Variants in PRKG1 observed in about 807,000 individuals in gnomAD.
The protein encoded by PRKG1 is cGMP-dependent protein kinase 1.
A neutral mutation model predicts 88.1 loss-of-function variants in PRKG1; 35 were observed. The ratio of observed to expected loss-of-function variants is 0.40; its 90% CI spans 0.30 to 0.53. PRKG1 has a LOEUF of 0.53. PRKG1 is among the 20% of genes least tolerant of loss of function. PRKG1 has a pLI of 0.59. For synonymous variants in PRKG1, 303 were observed against 292.5 expected, an observed-to-expected ratio of 1.04 and a Z score of -0.37; for missense variants, 540 against 839.8, an observed-to-expected ratio of 0.64 and a Z score of 4.41.
chr10:51,272,359 G>C lies in PRKG1; in HGVS notation c.478+119029G>C, dbSNP rs190728179. On this transcript the variant is annotated intron_variant, in intron 2 of 17. Transcript: ENST00000373980. The stretch of plus-strand genomic sequence containing the variant: ...ACATCACACACTGGGCTTATCGTGG[G>C]GTGGGGGGCTAGGGGAGGGATAGCA... Among the ~76,000 whole-genome samples the C allele has an allele frequency of 4.2e-3, 635 of 151,384 alleles. 7 individuals carry two copies. Among genetic ancestry groups the C allele is most frequent in the African/African-American group, 0.014 (574 of 40,736 alleles).
intron 3 of PRKG1, among the ~76,000 whole-genome samples, chr10:51,496,742 A>G (rs945262133): frequency 3.3e-5 from 5 of 152,104 alleles, no homozygotes; most frequent in African/African-American, 1.2e-4. Context: ...TAATGCTCAT[A>G]TTGATAAATA....
chr10:51,785,608 A>C (rs1838708228), intron 3 of PRKG1, among the ~76,000 whole-genome samples: 1 of 152,124 alleles, frequency 6.6e-6, no homozygotes, highest in South Asian at 2.1e-4. Context: ...GATACCAGTA[A>C]CATTAAGAAT....
intron 5 of PRKG1, among the ~76,000 whole-genome samples, chr10:52,048,641 G>A (rs1051006658): frequency 2.0e-5 from 3 of 152,074 alleles, no homozygotes; most frequent in African/African-American, 7.2e-5. Context: ...TGAATTCTGA[G>A]AACGCAAAGG....
chr10:51,009,307 A>T (rs937757890), intron 1 of PRKG1, among the ~76,000 whole-genome samples: 3 of 152,230 alleles, frequency 2.0e-5, no homozygotes, highest in African/African-American at 7.2e-5. Context: ...TTAAATGCCA[A>T]TTAAATTATA....
At chr10:51,021,525 G>A (rs931775769) in intron 1 of PRKG1, among the ~76,000 whole-genome samples, 1 of 152,130 alleles carries the variant, frequency 6.6e-6, no homozygotes, top group African/African-American at 2.4e-5. Context: ...CTAAAAGACA[G>A]CACAAATTCT....
intron 3 of PRKG1, among the ~76,000 whole-genome samples, chr10:51,515,618 C>A (rs541196531): frequency 1.3e-5 from 2 of 152,192 alleles, no homozygotes; most frequent in South Asian, 4.1e-4. Context: ...TTACCTTTCT[C>A]CTCCTCTGTT....
intron 1 of PRKG1, among the ~76,000 whole-genome samples, chr10:51,002,078 A>G (rs1352019539): frequency 6.6e-6 from 1 of 152,082 alleles, no homozygotes; most frequent in Non-Finnish European, 1.5e-5. Context: ...AGTTCTTTGA[A>G]CATTGACTCT....
intron 3 of PRKG1, among the ~76,000 whole-genome samples, chr10:51,603,710 T>C (rs1301979226): frequency 1.3e-5 from 2 of 152,200 alleles, no homozygotes; most frequent in African/African-American, 4.8e-5. Flanking sequence ...ATGCAGCTTA[T>C]GATTTAGCAC....
At chr10:51,069,463 A>G (rs77547249) in intron 1 of PRKG1, among the ~76,000 whole-genome samples, 215 of 152,148 alleles carry the variant, frequency 1.4e-3, no homozygotes, top group African/African-American at 5.0e-3. Flanking sequence ...TGTAAGTTCC[A>G]GTTTCTGTAA....
chr10:51,376,761 A>G (rs1588894548), intron 2 of PRKG1, among the ~76,000 whole-genome samples: 1 of 151,590 alleles, frequency 6.6e-6, no homozygotes, highest in Admixed American at 6.6e-5. Context: ...TGCAACCTCC[A>G]CCTCCTGCGT....
At chr10:52,143,027 T>C (rs867086562) in intron 8 of PRKG1, among the ~76,000 whole-genome samples, 1 of 125,744 alleles carries the variant, frequency 8.0e-6, no homozygotes, top group Admixed American at 9.0e-5. Context: ...CATATAGTAA[T>C]TTGAGCAGCA....
chr10:51,077,292 C>T (rs560250207), intron 1 of PRKG1, among the ~76,000 whole-genome samples: 8 of 152,282 alleles, frequency 5.3e-5, no homozygotes, highest in Non-Finnish European at 1.0e-4. Flanking sequence ...TTTACTACAT[C>T]TTAAATGTAG....
At chr10:51,635,333 G>A (rs893065330) in intron 3 of PRKG1, among the ~76,000 whole-genome samples, 1 of 147,964 alleles carries the variant, frequency 6.8e-6, no homozygotes, top group Non-Finnish European at 1.5e-5. Context: ...GCCACAGTAT[G>A]AAAGTGGAAT....
chr10:51,020,209 C>T (rs114375279), intron 1 of PRKG1, among the ~76,000 whole-genome samples: 7 of 152,020 alleles, frequency 4.6e-5, no homozygotes, highest in Non-Finnish European at 7.4e-5. Context: ...GCCATGTTGC[C>T]GAGGCTAATC....
At chr10:51,187,190 G>C (rs1360254972) in intron 2 of PRKG1, among the ~76,000 whole-genome samples, 3 of 151,480 alleles carry the variant, frequency 2.0e-5, no homozygotes, top group African/African-American at 7.3e-5. Context: ...TATAGAATAT[G>C]ATTCTGTATT....
At chr10:52,105,245 C>T (rs1247854303) in intron 7 of PRKG1, among the ~76,000 whole-genome samples, 2 of 152,002 alleles carry the variant, frequency 1.3e-5, no homozygotes, top group African/African-American at 4.8e-5. Flanking sequence ...AAATTGTCTC[C>T]AGTTCCAGAA....
At chr10:51,883,702 A>T (rs1841491524) in intron 4 of PRKG1, among the ~76,000 whole-genome samples, 1 of 152,198 alleles carries the variant, frequency 6.6e-6, no homozygotes, top group Admixed American at 6.5e-5. Context: ...GTTTTCTCTG[A>T]AAGAAAATTG....
At chr10:51,118,715 A>G (rs1364218922) in intron 1 of PRKG1, among the ~76,000 whole-genome samples, 1 of 152,104 alleles carries the variant, frequency 6.6e-6, no homozygotes, top group African/African-American at 2.4e-5. Flanking sequence ...TCTGATTCCT[A>G]CGTCTTCCCT....
intron 5 of PRKG1, among the ~76,000 whole-genome samples, chr10:51,940,829 A>G (rs1289196645): frequency 1.3e-5 from 2 of 151,974 alleles, no homozygotes; most frequent in Non-Finnish European, 2.9e-5. Flanking sequence ...TAGAATGAGT[A>G]ACACATCCTT....
Sources: gnomAD v4.1 joint callset for allele counts (sites outside exome capture counted in the v4.1 genomes callset) on GRCh38, gnomAD v4.1.1 for gene constraint, MANE v1.5 for transcripts, NCBI Gene and HGNC (gene_info 2026-07-23, HGNC 2026-07-21) for gene names.